Variants in ANGPT1 observed in about 807,000 individuals in gnomAD.
ANGPT1 encodes angiopoietin-1.
A neutral mutation model predicts 62.2 loss-of-function variants in ANGPT1; 17 were observed. The observed-to-expected ratio is 0.27, with a 90% CI of 0.19 to 0.41. The LOEUF is 0.41. Ranked by LOEUF, ANGPT1 falls within the 10% of genes least tolerant of loss-of-function variation. The pLI, the probability that ANGPT1 is intolerant of heterozygous loss-of-function variation, is 1.00. For synonymous variants in ANGPT1, 199 were observed against 198.9 expected, an observed-to-expected ratio of 1.00 and a Z score of 0.00; for missense variants, 478 against 594.9, an observed-to-expected ratio of 0.80 and a Z score of 2.04.
Position 107,250,676 on chromosome 8 carries a change from A to G in ANGPT1, c.*1179T>C, listed in dbSNP as rs1586158522. On this transcript the variant is annotated 3_prime_UTR_variant, in exon 9 of 9. Coordinates refer to ENST00000517746, the MANE Select transcript of ANGPT1 (RefSeq NM_001146.5). ...TTGCAGATATAAACATGCTATGTAC[A>G]ATGATATTTATAATTATTTTATTTT... 2 of 152,218 alleles carry G rather than the reference A, an allele frequency of 1.3e-5. No homozygotes were observed. The highest frequency in any genetic ancestry group is 3.9e-4 in the East Asian group (2 of 5,186). The allele number at this position is 152,218 out of a possible 1,614,324, so 9.4% of individuals were successfully genotyped here. A position where few individuals can be genotyped will look rare whatever the true frequency, so the allele number is the denominator to read the frequency against.
intron 7 of ANGPT1, among the ~76,000 whole-genome samples, chr8:107,276,729 A>G (rs1351078854): frequency 6.6e-6 from 1 of 152,168 alleles, no homozygotes; most frequent in Non-Finnish European, 1.5e-5. Context: ...CAAATTGTCC[A>G]AGGTCATTCA....
intron 1 of ANGPT1, among the ~76,000 whole-genome samples, chr8:107,475,889 C>T (rs1157006621): frequency 6.6e-6 from 1 of 152,152 alleles, no homozygotes; most frequent in African/African-American, 2.4e-5. Context: ...CAATGAGATA[C>T]CATCTCACAC....
At chr8:107,279,373 T>C (rs1296243102) in intron 7 of ANGPT1, among the ~76,000 whole-genome samples, 1 of 152,104 alleles carries the variant, frequency 6.6e-6, no homozygotes, top group Non-Finnish European at 1.5e-5. Flanking sequence ...TCCAAAGGCA[T>C]TCAAATTATT....
intron 2 of ANGPT1, among the ~76,000 whole-genome samples, chr8:107,337,696 C>T (rs957604304): frequency 6.6e-6 from 1 of 152,192 alleles, no homozygotes; most frequent in Admixed American, 6.5e-5. Flanking sequence ...AGGTCAATAT[C>T]AATGTAAAGT....
Position 107,393,293 on chromosome 8 carries a change from G to A in ANGPT1, c.298-46196C>T, listed in dbSNP as rs187284224. Among the ~76,000 whole-genome samples the A allele has an allele frequency of 2.6e-3, 398 of 152,280 alleles. 7 individuals are homozygous for A. Among genetic ancestry groups the A allele is most frequent in the Middle Eastern group, 6.8e-3 (2 of 294 alleles). Reference sequence around the variant, plus strand: ...ATCAGTGGTTCCCCTGGGCTTGAGAGGGGGAGAGGGGACTGACTGCAAAAG... The same window carrying A: ...ATCAGTGGTTCCCCTGGGCTTGAGAAGGGGAGAGGGGACTGACTGCAAAAG... On this transcript the variant is annotated intron_variant, in intron 1 of 8. Coordinates refer to ENST00000517746, the MANE Select transcript of ANGPT1 (RefSeq NM_001146.5).
At chr8:107,467,521 C>T (rs1812235026) in intron 1 of ANGPT1, among the ~76,000 whole-genome samples, 1 of 151,874 alleles carries the variant, frequency 6.6e-6, no homozygotes, top group Non-Finnish European at 1.5e-5. Flanking sequence ...AACCTGGGGA[C>T]TTAATTGGGA....
chr8:107,272,298 T>C (rs1563543934), intron 7 of ANGPT1, among the ~76,000 whole-genome samples: 2 of 152,030 alleles, frequency 1.3e-5, no homozygotes, highest in African/African-American at 4.8e-5. Context: ...TCACCCCAAA[T>C]GATGAAAAAT....
At chr8:107,436,153 G>A (rs940995213) in intron 1 of ANGPT1, among the ~76,000 whole-genome samples, 1 of 152,140 alleles carries the variant, frequency 6.6e-6, no homozygotes, top group Non-Finnish European at 1.5e-5. Context: ...CAATCCCCCT[G>A]CCTTGGCCTC....
At chr8:107,442,090 A>T (rs1173134356) in intron 1 of ANGPT1, among the ~76,000 whole-genome samples, 1 of 152,102 alleles carries the variant, frequency 6.6e-6, no homozygotes, top group Non-Finnish European at 1.5e-5. Context: ...TCTCAAAAAA[A>T]AAGCTGGGGG....
chr8:107,401,467 A>G (rs1053071588), intron 1 of ANGPT1, among the ~76,000 whole-genome samples: 2 of 152,218 alleles, frequency 1.3e-5, no homozygotes, highest in African/African-American at 2.4e-5. Flanking sequence ...TGGAATAGTC[A>G]TTTCATTTTG....
chr8:107,358,016 T>C (rs1225790351), intron 1 of ANGPT1, among the ~76,000 whole-genome samples: 1 of 152,202 alleles, frequency 6.6e-6, no homozygotes, highest in Non-Finnish European at 1.5e-5. Context: ...TGAAATATCT[T>C]GTTTATGGGT....
intron 1 of ANGPT1, among the ~76,000 whole-genome samples, chr8:107,455,845 C>T (rs1811905436): frequency 1.3e-5 from 2 of 151,876 alleles, no homozygotes; most frequent in South Asian, 4.1e-4. Context: ...GAACCTCCCT[C>T]CTCATTAGTC....
chr8:107,283,458 C>G (rs1383981525), intron 7 of ANGPT1, among the ~76,000 whole-genome samples: 1 of 151,898 alleles, frequency 6.6e-6, no homozygotes, highest in African/African-American at 2.4e-5. Context: ...AAGGATCCAA[C>G]CCCATACATA....
At chr8:107,469,353 G>T (rs192195242) in intron 1 of ANGPT1, among the ~76,000 whole-genome samples, 27 of 152,082 alleles carry the variant, frequency 1.8e-4, no homozygotes, top group Admixed American at 1.5e-3. Context: ...TTCCTCACTG[G>T]AGTATACATC....
chr8:107,265,003 T>A (rs1302121907), intron 7 of ANGPT1, among the ~76,000 whole-genome samples: 1 of 152,166 alleles, frequency 6.6e-6, no homozygotes, highest in African/African-American at 2.4e-5. Context: ...GCACTTAAGA[T>A]ATATAAGAAA....
intron 7 of ANGPT1, among the ~76,000 whole-genome samples, chr8:107,266,703 T>G (rs542993335): frequency 1.2e-4 from 18 of 144,432 alleles, no homozygotes; most frequent in African/African-American, 4.4e-4. Flanking sequence ...GCAGTAGCTT[T>G]AAGCTCACTA....
intron 1 of ANGPT1, among the ~76,000 whole-genome samples, chr8:107,410,861 A>G (rs1817255767): frequency 6.6e-6 from 1 of 152,196 alleles, no homozygotes; most frequent in South Asian, 2.1e-4. Context: ...AACTTTGCCC[A>G]GTTACCATTT....
intron 1 of ANGPT1, among the ~76,000 whole-genome samples, chr8:107,488,005 A>G (rs1812858262): frequency 6.6e-6 from 1 of 152,208 alleles, no homozygotes; most frequent in Non-Finnish European, 1.5e-5. Context: ...GTAAAAGTAG[A>G]TAAGTGTACA....
At chr8:107,277,516 T>C (rs1187473427) in intron 7 of ANGPT1, among the ~76,000 whole-genome samples, 3 of 152,156 alleles carry the variant, frequency 2.0e-5, no homozygotes, top group Non-Finnish European at 4.4e-5. Flanking sequence ...CCCACAACCA[T>C]TTCAAAATAG....
Sources: gnomAD v4.1 joint callset for allele counts (sites outside exome capture counted in the v4.1 genomes callset) on GRCh38, gnomAD v4.1.1 for gene constraint, MANE v1.5 for transcripts, NCBI Gene and HGNC (gene_info 2026-07-23, HGNC 2026-07-21) for gene names.